PSMD14: variants seen among roughly 807,000 people sequenced by gnomAD.
PSMD14 encodes ubiquitin C-terminal hydrolase PSMD14.
PSMD14 carries 7 observed loss-of-function variants against 41.2 expected under a neutral mutation model. That is an observed-to-expected ratio of 0.17 (90% CI 0.10 to 0.32). The LOEUF (loss-of-function observed/expected upper bound fraction) is 0.32, where lower values mean the gene tolerates loss of function less well. Ranked by LOEUF, PSMD14 falls within the 10% of genes least tolerant of loss-of-function variation. The pLI is 1.00. For synonymous variants in PSMD14, 114 were observed against 122.3 expected, an observed-to-expected ratio of 0.93 and a Z score of 0.45; for missense variants, 139 against 375.6, an observed-to-expected ratio of 0.37 and a Z score of 5.21.
At chr2:161,314,348 T>C (rs1247757472) in intron 1 of PSMD14, among the ~76,000 whole-genome samples, 1 of 152,336 alleles carries the variant, frequency 6.6e-6, no homozygotes, top group African/African-American at 2.4e-5. Flanking sequence ...TTTAGAAATA[T>C]ATTGTTCACT....
At chr2:161,338,962 G>C (rs1574121082) in intron 3 of PSMD14, among the ~76,000 whole-genome samples, 1 of 152,298 alleles carries the variant, frequency 6.6e-6, no homozygotes, top group South Asian at 2.1e-4. Context: ...ATTCTTCAGA[G>C]TGTGTATTCA....
intron 10 of PSMD14, among the ~76,000 whole-genome samples, chr2:161,402,009 C>G (rs1288053957): frequency 2.0e-5 from 3 of 152,172 alleles, no homozygotes; most frequent in Non-Finnish European, 4.4e-5. Flanking sequence ...ACATGATAGG[C>G]ATTTAATAAA....
rs533633895 is a variant in PSMD14, at chr2:161,394,063, C to T, written c.646-1015C>T. 2.7e-5 allele frequency among the ~76,000 whole-genome samples: 4 copies of T among 150,574 alleles called. 1 individual carries two copies. The highest frequency in any genetic ancestry group is 4.3e-4 in the South Asian group (2 of 4,704). On this transcript the variant is annotated intron_variant, in intron 9 of 11. Transcript: ENST00000409682. The stretch of plus-strand genomic sequence containing the variant: ...TCAGCTCACTGCAACCTCCGTCTCC[C>T]GGGGTCCAAGTGATTCTTCTGCCTC...
chr2:161,390,854 G>A (rs1475988580), intron 8 of PSMD14, among the ~76,000 whole-genome samples: 1 of 152,098 alleles, frequency 6.6e-6, no homozygotes, highest in Non-Finnish European at 1.5e-5. Context: ...GACTGAGCAA[G>A]GCTACTGAAA....
At chr2:161,363,631 A>G (rs1357542005) in intron 3 of PSMD14, among the ~76,000 whole-genome samples, 2 of 152,206 alleles carry the variant, frequency 1.3e-5, no homozygotes, top group Non-Finnish European at 2.9e-5. Flanking sequence ...AAGATAATGT[A>G]TGTAGATGGT....
At position 161,364,835 on chromosome 2, in the gene PSMD14, C is replaced by T. The variant is rs562521709; in HGVS notation, c.49-2643C>T. Among the ~76,000 whole-genome samples, 6 of 152,164 alleles carry T rather than the reference C, an allele frequency of 3.9e-5. No individual in the cohort carries two copies. In the South Asian group the frequency reaches 8.3e-4, roughly 21 times the overall value. Reference sequence around the variant, plus strand: ...AACAGCACTCATGGCTGGGTGCAGTCGCTCACGCCTGTAATGCTAGCACTT... The same window carrying T: ...AACAGCACTCATGGCTGGGTGCAGTTGCTCACGCCTGTAATGCTAGCACTT... On this transcript the variant is annotated intron_variant, in intron 3 of 11. Coordinates refer to ENST00000409682, the MANE Select transcript of PSMD14 (RefSeq NM_005805.6).
Position 161,340,992 on chromosome 2 carries a change from G to C in PSMD14, c.48+22119G>C, listed in dbSNP as rs1367104718. On this transcript the variant is annotated intron_variant, in intron 3 of 11. Coordinates refer to ENST00000409682, the MANE Select transcript of PSMD14 (RefSeq NM_005805.6). ...CAAGTCCTGCTCCTCTTCCTGCCTC[G>C]CCTCCACCGCCTGCTCCTCCGCCTC... The C allele has an allele frequency of 8.7e-6, 14 of 1,611,550 alleles. No individual in the cohort carries two copies. The African/African-American group carries it at 1.9e-4, about 22-fold the overall frequency.
At chr2:161,410,198 CCAGTGTTTCT>C in intron 11 of PSMD14, among the ~76,000 whole-genome samples, 1 of 151,898 alleles carries the variant, frequency 6.6e-6, no homozygotes, top group East Asian at 1.9e-4. Flanking sequence ...TTTTCTCCTG[CCAGTGTTTCT>C]CAGTGTTTTT....
At chr2:161,340,252 G>A (rs1682931065) in intron 3 of PSMD14, among the ~76,000 whole-genome samples, 1 of 152,142 alleles carries the variant, frequency 6.6e-6, no homozygotes, top group Admixed American at 6.5e-5. Flanking sequence ...TTGCTGCCCT[G>A]TAATCAATAT....
chr2:161,311,866 C>T (rs796914264), intron 1 of PSMD14, among the ~76,000 whole-genome samples: 15 of 152,052 alleles, frequency 9.9e-5, no homozygotes, highest in African/African-American at 3.4e-4. Flanking sequence ...CCAACCGCCT[C>T]GGCCTCCCAA....
At chr2:161,406,448 G>C (rs1017210615) in intron 10 of PSMD14, among the ~76,000 whole-genome samples, 4 of 152,156 alleles carry the variant, frequency 2.6e-5, no homozygotes, top group African/African-American at 4.8e-5. Flanking sequence ...CATAAACACA[G>C]AAGTTCCCTA....
At chr2:161,364,551 C>A (rs1436141032) in intron 3 of PSMD14, among the ~76,000 whole-genome samples, 1 of 152,094 alleles carries the variant, frequency 6.6e-6, no homozygotes, top group African/African-American at 2.4e-5. Flanking sequence ...CATGTTCTTA[C>A]ATACCTCTCT....
chr2:161,340,831 G>T, intron 3 of PSMD14: 2 of 1,613,928 alleles, frequency 1.2e-6, no homozygotes, highest in Non-Finnish European at 1.7e-6. Flanking sequence ...TCAGTTCTCT[G>T]CTCCTCCTCC....
intron 3 of PSMD14, among the ~76,000 whole-genome samples, chr2:161,343,936 T>C (rs1364796237): frequency 6.6e-6 from 1 of 152,224 alleles, no homozygotes; most frequent in Non-Finnish European, 1.5e-5. Context: ...AACGTTTACA[T>C]CTGTACTGAA....
chr2:161,367,724 A>G, intron 4 of PSMD14, 60 bp from the exon 5 acceptor site: 1 of 1,559,732 alleles, frequency 6.4e-7, no homozygotes, highest in African/African-American at 1.4e-5. Flanking sequence ...TTGTTTTATA[A>G]AGAAGAACCA....
intron 3 of PSMD14, among the ~76,000 whole-genome samples, chr2:161,362,037 T>G (rs1485693095): frequency 6.6e-6 from 1 of 152,146 alleles, no homozygotes; most frequent in Admixed American, 6.6e-5. Context: ...CCCCAGTGAC[T>G]TAGTAATGTG....
chr2:161,379,145 A>ATTGTTTTAATTTTTCC (rs1683541924), intron 7 of PSMD14, among the ~76,000 whole-genome samples: 1 of 151,996 alleles, frequency 6.6e-6, no homozygotes, highest in Non-Finnish European at 1.5e-5. Flanking sequence ...GCAACAGGCA[A>ATTGTTTTAATTTTTCC]ACGAGTTGTT....
intron 3 of PSMD14, among the ~76,000 whole-genome samples, chr2:161,327,247 C>T (rs563984630): frequency 2.5e-4 from 38 of 152,014 alleles, no homozygotes; most frequent in African/African-American, 8.2e-4. Flanking sequence ...TTAATGGGTA[C>T]GGAGTTTCAG....
At chr2:161,317,873 CAT>C (rs1242319363) in intron 2 of PSMD14, among the ~76,000 whole-genome samples, 2 of 152,134 alleles carry the variant, frequency 1.3e-5, no homozygotes, top group Admixed American at 1.3e-4. Flanking sequence ...TCATTTAGGA[CAT>C]AGCGATTTTC....
Sources: allele counts gnomAD v4.1 joint callset (sites outside exome capture counted in the v4.1 genomes callset), GRCh38; gene constraint gnomAD v4.1.1; transcripts MANE v1.5; gene names NCBI Gene and HGNC (gene_info 2026-07-23, HGNC 2026-07-21).